Variants in TBXAS1 observed in about 807,000 individuals in gnomAD.
TBXAS1 encodes the protein thromboxane-A synthase.
TBXAS1 carries 48 observed loss-of-function variants against 60.7 expected under a neutral mutation model. That is an observed-to-expected ratio of 0.79 (90% CI 0.63 to 1.01). The LOEUF is 1.01. Among genes scored for constraint, TBXAS1 ranks in the 50% least tolerant of loss-of-function variants. The probability of loss-of-function intolerance (pLI) is 0.00; values close to 1 mark genes in which losing one functional copy is unlikely to be tolerated. For synonymous variants in TBXAS1, 287 were observed against 269.7 expected (o/e 1.06, Z -0.63); for missense variants, 685 against 686.3 (o/e 1.00, Z 0.02).
rs111256476 is a variant in TBXAS1 at position 139,995,645 on chromosome 7, G to C, written c.1135-11446G>C. Among the ~76,000 whole-genome samples the C allele has an allele frequency of 3.7e-3, 569 of 152,274 alleles. 3 individuals carry two copies. Among genetic ancestry groups the C allele is most frequent in the Non-Finnish European group, 5.2e-3 (353 of 68,022 alleles). On this transcript the variant is annotated intron_variant, in intron 9 of 12. Transcript: ENST00000448866. ...GTGTGAAAAGCCCCGGTGGACCTGG[G>C]CTTGCCTATTGCATTGTGAAGTTGT...
At chr7:139,995,063 T>A (rs1048799066) in intron 9 of TBXAS1, among the ~76,000 whole-genome samples, 9 of 152,130 alleles carry the variant, frequency 5.9e-5, no homozygotes, top group African/African-American at 2.2e-4. Context: ...GAGACATTTT[T>A]ATAAACATCC....
chr7:139,868,683 G>T (rs537387736), intron 1 of TBXAS1, among the ~76,000 whole-genome samples: 1 of 147,828 alleles, frequency 6.8e-6, no homozygotes, highest in South Asian at 2.1e-4. Flanking sequence ...TTGAGACAGG[G>T]TCTTGCTTCA....
chr7:139,872,238 C>T lies in TBXAS1; in HGVS notation c.93C>T (p.Tyr31=). 1 of 1,613,838 alleles carries T rather than the reference C, an allele frequency of 6.2e-7. No individual in the cohort carries two copies. Reference sequence around the variant, plus strand: ...TGAAATCTGCTTTTCCCTCCAGGTACTCCACATCAGCATTCTCAAGACTGG... The same window carrying T: ...TGAAATCTGCTTTTCCCTCCAGGTATTCCACATCAGCATTCTCAAGACTGG... ...SVALLALLKW[Y]STSAFSRLEK... The change falls in exon 2 of 13, where the codon TAC becomes TAT. Residue 31 remains tyrosine (Y), a synonymous_variant. Transcript: ENST00000448866.
chr7:139,965,347 G>A (rs1157693715), intron 9 of TBXAS1, among the ~76,000 whole-genome samples: 1 of 152,180 alleles, frequency 6.6e-6, no homozygotes, highest in Non-Finnish European at 1.5e-5. Context: ...AAGTATATAG[G>A]AAGACTGCTT....
At chr7:139,788,135 T>C (rs1434932798) in intron 4 of TBXAS1, among the ~76,000 whole-genome samples, 2 of 152,240 alleles carry the variant, frequency 1.3e-5, no homozygotes, top group Non-Finnish European at 2.9e-5. Context: ...CTGTGGCTTC[T>C]GAGGTTGTTA....
rs1237287779 is a variant in TBXAS1, at chr7:139,957,858, C to T, written c.819+94C>T. 6 of 1,558,174 alleles carry T rather than the reference C, an allele frequency of 3.9e-6. No individual in the cohort carries two copies. The Admixed American group carries it at 8.9e-5, about 23-fold the overall frequency. On this transcript the variant is annotated intron_variant, in intron 8 of 12. Coordinates refer to ENST00000448866, the MANE Select transcript of TBXAS1 (RefSeq NM_001061.7). ...CTTTCTCTTCCCTCTCAGCCCCGCA[C>T]ATCACACCGTGCCGTCCTTCAGCAA...
At chr7:139,956,241 G>T (rs1005995808) in intron 7 of TBXAS1, among the ~76,000 whole-genome samples, 1 of 152,074 alleles carries the variant, frequency 6.6e-6, no homozygotes, top group Non-Finnish European at 1.5e-5. Flanking sequence ...CCGCCTCCTG[G>T]GTTCAAGCGA....
At chr7:139,846,823 G>A (rs993817223) in intron 1 of TBXAS1, among the ~76,000 whole-genome samples, 1 of 152,142 alleles carries the variant, frequency 6.6e-6, no homozygotes, top group East Asian at 1.9e-4. Flanking sequence ...GGGGGTGTTG[G>A]GGATGGTCAC....
intron 4 of TBXAS1, among the ~76,000 whole-genome samples, chr7:139,805,605 TTCTC>T (rs1014204710): frequency 2.6e-5 from 4 of 151,764 alleles, no homozygotes; most frequent in Admixed American, 2.0e-4. Flanking sequence ...TAGATTTTCT[TTCTC>T]TCTCTTTCCT....
intron 3 of TBXAS1, among the ~76,000 whole-genome samples, chr7:139,909,533 G>A (rs934918743): frequency 6.6e-6 from 1 of 152,154 alleles, no homozygotes; most frequent in East Asian, 1.9e-4. Context: ...TACCACATCT[G>A]TTGAATTCCT....
chr7:139,789,596 GGTCTTTTTA>G (rs1185283824), intron 4 of TBXAS1: 3 of 150,564 alleles, frequency 2.0e-5, no homozygotes, highest in African/African-American at 7.3e-5. Context: ...AGGATCTGAT[GGTCTTTTTA>G]GTATGGCCTC....
chr7:139,865,098 A>G (rs2116747974), intron 1 of TBXAS1, among the ~76,000 whole-genome samples: 1 of 152,324 alleles, frequency 6.6e-6, no homozygotes, highest in East Asian at 1.9e-4. Context: ...GATGATTTCC[A>G]GCCCTGAGGG....
intron 9 of TBXAS1, among the ~76,000 whole-genome samples, chr7:139,989,763 G>A (rs1049388889): frequency 9.2e-5 from 14 of 152,242 alleles, no homozygotes; most frequent in Admixed American, 5.9e-4. Context: ...TCCTAGCTTG[G>A]TGGATGCCCT....
rs963160516 is a variant in TBXAS1 at position 139,916,098 on chromosome 7, C to G, written c.333+4777C>G. On this transcript the variant is annotated intron_variant, in intron 4 of 12. Coordinates refer to ENST00000448866, the MANE Select transcript of TBXAS1 (RefSeq NM_001061.7). This position sits in a 1 kb window ranked among gnomAD's most constrained non-coding sequence, Gnocchi z 4.2. ...TCTATTTAGATATTTTCAATGAGCT[C>G]TTCTTTGCTGTCAGGTACGGTACCT... 6.6e-6 allele frequency among the ~76,000 whole-genome samples: 1 copy of G among 152,206 alleles called. No homozygotes were observed. The highest frequency in any genetic ancestry group is 1.5e-5 in the Non-Finnish European group (1 of 68,042).
intron 9 of TBXAS1, among the ~76,000 whole-genome samples, chr7:139,972,968 T>C (rs1811317512): frequency 6.6e-6 from 1 of 151,708 alleles, no homozygotes; most frequent in Admixed American, 6.6e-5. Flanking sequence ...GCACAGTAGA[T>C]AAAGCCTGTG....
intron 1 of TBXAS1, among the ~76,000 whole-genome samples, chr7:139,830,005 G>A (rs1798598946): frequency 6.6e-6 from 1 of 152,200 alleles, no homozygotes; most frequent in African/African-American, 2.4e-5. Flanking sequence ...GATAGAGGGA[G>A]ATGGATTCTG....
intron 3 of TBXAS1, among the ~76,000 whole-genome samples, chr7:139,883,930 T>C (rs371494179): frequency 5.2e-4 from 80 of 152,386 alleles, no homozygotes; most frequent in African/African-American, 1.8e-3. Flanking sequence ...GCCCATTAAA[T>C]TGATTTCATG....
chr7:139,936,348 A>C (rs1792057364), intron 5 of TBXAS1, 41 bp downstream of exon 5: 1 of 1,594,444 alleles, frequency 6.3e-7, no homozygotes, highest in African/African-American at 1.3e-5. Context: ...CTTACGGAGC[A>C]GGTTTCTTCT....
intron 4 of TBXAS1, among the ~76,000 whole-genome samples, chr7:139,804,733 A>G (rs543750511): frequency 1.3e-5 from 2 of 152,258 alleles, no homozygotes; most frequent in Admixed American, 1.3e-4. Context: ...GTTCCCCTAC[A>G]TATACTCACT....
Sources: gnomAD v4.1 joint callset for allele counts (sites outside exome capture counted in the v4.1 genomes callset) on GRCh38, gnomAD v4.1.1 for gene constraint, Gnocchi (gnomAD v3.1) non-coding constraint, MANE v1.5 for transcripts, NCBI Gene and HGNC (gene_info 2026-07-23, HGNC 2026-07-21) for gene names.